Variants in SLMAP observed in about 807,000 individuals in gnomAD.
SLMAP encodes the protein sarcolemmal membrane-associated protein.
Under a neutral mutation model 128.8 loss-of-function variants are expected in SLMAP, and 44 were observed. That is an observed-to-expected ratio of 0.34 (90% CI 0.27 to 0.44). SLMAP has a LOEUF of 0.44. SLMAP is among the 20% of genes least tolerant of loss of function. The probability of loss-of-function intolerance (pLI) is 1.00; values close to 1 mark genes in which losing one functional copy is unlikely to be tolerated. For synonymous variants in SLMAP, 327 were observed against 348.8 expected (o/e 0.94, Z 0.70); for missense variants, 787 against 985.3 (o/e 0.80, Z 2.69).
At chr3:57,820,635 A>G (rs1465692278) in intron 2 of SLMAP, among the ~76,000 whole-genome samples, 1 of 152,210 alleles carries the variant, frequency 6.6e-6, no homozygotes, top group Non-Finnish European at 1.5e-5. Context: ...CTCTGCCAAC[A>G]TTGTAGAATT....
At chr3:57,896,957 T>G in intron 17 of SLMAP, 25 bp downstream of exon 17, 2 of 1,613,096 alleles carry the variant, frequency 1.2e-6, no homozygotes, top group Non-Finnish European at 1.7e-6. Flanking sequence ...TTTTATGACA[T>G]CGTAAACCAG....
At chr3:57,793,212 C>G (rs892129446) in intron 2 of SLMAP, among the ~76,000 whole-genome samples, 25 of 152,128 alleles carry the variant, frequency 1.6e-4, no homozygotes, top group Non-Finnish European at 2.9e-5. Context: ...CAGGCTTACA[C>G]CCCTACACCC....
At chr3:57,819,777 C>T (rs1469353809) in intron 2 of SLMAP, among the ~76,000 whole-genome samples, 2 of 152,024 alleles carry the variant, frequency 1.3e-5, no homozygotes, top group African/African-American at 4.8e-5. Flanking sequence ...TGTTTTGAGA[C>T]AGGGTCTCAC....
At chr3:57,924,301 T>C (rs2096964263) in intron 23 of SLMAP, among the ~76,000 whole-genome samples, 1 of 152,214 alleles carries the variant, frequency 6.6e-6, no homozygotes, top group African/African-American at 2.4e-5. Flanking sequence ...TTCTTTCCAT[T>C]TTAAAAATTA....
intron 6 of SLMAP, among the ~76,000 whole-genome samples, chr3:57,852,052 A>G (rs1307316057): frequency 6.6e-6 from 1 of 152,118 alleles, no homozygotes; most frequent in East Asian, 1.9e-4. Flanking sequence ...CTGGGACTAC[A>G]GGCATGTGCC....
intron 17 of SLMAP, among the ~76,000 whole-genome samples, chr3:57,904,193 C>T (rs1161697414): frequency 6.6e-6 from 1 of 152,178 alleles, no homozygotes; most frequent in Admixed American, 6.5e-5. Flanking sequence ...AGTATCTCCA[C>T]TTCTATGATC....
chr3:57,762,712 T>G (rs1195128811), intron 2 of SLMAP, among the ~76,000 whole-genome samples: 3 of 141,642 alleles, frequency 2.1e-5, no homozygotes, highest in African/African-American at 5.3e-5. Flanking sequence ...GTAGAATGGT[T>G]TTTTTTTTTT....
At chr3:57,831,298 A>T in intron 2 of SLMAP, 85 bp from the exon 3 acceptor site, 1 of 1,014,520 alleles carries the variant, frequency 9.9e-7, no homozygotes. Context: ...ATAGTTGGCA[A>T]AGCTGGAAGC....
chr3:57,774,584 G>A, intron 2 of SLMAP, among the ~76,000 whole-genome samples: 1 of 151,784 alleles, frequency 6.6e-6, no homozygotes, highest in Non-Finnish European at 1.5e-5. Context: ...GAGTGCAGTG[G>A]CATGATCTTG....
At chr3:57,778,179 T>C (rs574366944) in intron 2 of SLMAP, among the ~76,000 whole-genome samples, 1 of 152,348 alleles carries the variant, frequency 6.6e-6, no homozygotes, top group East Asian at 1.9e-4. Flanking sequence ...ACAGAGCTTT[T>C]CTAGTCATCT....
At chr3:57,767,467 A>G (rs1010965413) in intron 2 of SLMAP, among the ~76,000 whole-genome samples, 1 of 152,198 alleles carries the variant, frequency 6.6e-6, no homozygotes, top group African/African-American at 2.4e-5. Context: ...GTCTTTGTAT[A>G]AGTCATTATT....
Position 57,892,237 on chromosome 3 carries a change from A to G in SLMAP, c.1360+2137A>G, listed in dbSNP as rs142239940. On this transcript the variant is annotated intron_variant, in intron 15 of 24. Transcript: ENST00000671191. ...TTGGCTAAATTGTCTTTAATTGGCAATGTTTTTGGTGGAATTTTCTTGTTT... is the reference window on the plus strand; with the variant it reads ...TTGGCTAAATTGTCTTTAATTGGCAGTGTTTTTGGTGGAATTTTCTTGTTT... Among the ~76,000 whole-genome samples the G allele has an allele frequency of 4.1e-3, 627 of 152,276 alleles. 6 individuals carry two copies. The highest frequency in any genetic ancestry group is 0.014 in the African/African-American group (601 of 41,562).
chr3:57,880,637 A>G (rs1035687751), intron 14 of SLMAP, among the ~76,000 whole-genome samples: 3 of 151,650 alleles, frequency 2.0e-5, no homozygotes, highest in Non-Finnish European at 2.9e-5. Flanking sequence ...TATTACTTCA[A>G]GAGGCCAAGG....
intron 14 of SLMAP, among the ~76,000 whole-genome samples, chr3:57,887,730 T>C (rs1468517249): frequency 6.6e-6 from 1 of 152,152 alleles, no homozygotes; most frequent in Admixed American, 6.5e-5. Context: ...TTAAATGCTT[T>C]GGCCCTGGCT....
intron 17 of SLMAP, chr3:57,901,220 T>C (rs1333412009): frequency 1.3e-5 from 2 of 152,244 alleles, no homozygotes; most frequent in Non-Finnish European, 2.9e-5. Context: ...TTAATTTCAT[T>C]TACCTCTCCA....
At chr3:57,903,932 C>T (rs372052845) in intron 17 of SLMAP, among the ~76,000 whole-genome samples, 5 of 152,106 alleles carry the variant, frequency 3.3e-5, no homozygotes, top group Admixed American at 1.3e-4. Context: ...AGGACAAAAA[C>T]GAGGCACCTT....
At chr3:57,844,603 A>G (rs919005329) in intron 4 of SLMAP, among the ~76,000 whole-genome samples, 2 of 151,684 alleles carry the variant, frequency 1.3e-5, no homozygotes, top group Non-Finnish European at 2.9e-5. Context: ...CCGGATTTTT[A>G]GCCATTTGTT....
At chr3:57,856,643 C>T (rs1045130105) in intron 6 of SLMAP, among the ~76,000 whole-genome samples, 4 of 151,930 alleles carry the variant, frequency 2.6e-5, no homozygotes, top group African/African-American at 9.7e-5. Flanking sequence ...AAGGACCTCT[C>T]TGAAGGTATT....
chr3:57,819,523 A>G (rs1451772561), intron 2 of SLMAP, among the ~76,000 whole-genome samples: 3 of 151,986 alleles, frequency 2.0e-5, no homozygotes, highest in African/African-American at 7.3e-5. Context: ...TGATTTTCCA[A>G]TTTTACCAAT....
Sources: gnomAD v4.1 joint callset for allele counts (sites outside exome capture counted in the v4.1 genomes callset) on GRCh38, gnomAD v4.1.1 for gene constraint, MANE v1.5 for transcripts, NCBI Gene and HGNC (gene_info 2026-07-23, HGNC 2026-07-21) for gene names.